The following CDC73 variants were observed in gnomAD, a reference collection of about 807,000 sequenced individuals.
CDC73 encodes the protein cell division cycle 73.
A neutral mutation model predicts 83.7 loss-of-function variants in CDC73; 21 were observed. The observed-to-expected ratio is 0.25, with a 90% CI of 0.18 to 0.36. The LOEUF (loss-of-function observed/expected upper bound fraction) is 0.36, where lower values mean the gene tolerates loss of function less well. Among genes scored for constraint, CDC73 ranks in the 10% least tolerant of loss-of-function variants. The probability of loss-of-function intolerance (pLI) is 1.00; values close to 1 mark genes in which losing one functional copy is unlikely to be tolerated. For missense variants in CDC73, 342 were observed against 653.3 expected (o/e 0.52, Z 5.19); for synonymous variants, 224 against 212.9 (o/e 1.05, Z -0.45).
Position 193,148,092 on chromosome 1 carries a change from A to G in CDC73, c.828+127A>G, listed in dbSNP as rs145903255. The G allele has an allele frequency of 3.7e-4, 268 of 725,322 alleles. 1 individual carries two copies. The East Asian group carries it at 6.3e-3, about 17-fold the overall frequency. 44.9% of individuals were successfully genotyped at this position (725,322 alleles called of 1,614,324 possible). A position where few individuals can be genotyped will look rare whatever the true frequency, so the allele number is the denominator to read the frequency against. On this transcript the variant is annotated intron_variant, in intron 8 of 16. Coordinates refer to ENST00000367435, the MANE Select transcript of CDC73 (RefSeq NM_024529.5). The stretch of plus-strand genomic sequence containing the variant: ...TCTAAACCTTTTGCTCCTTTAGCAT[A>G]TCTGAAAGATGTGAAAGCCCTCCCC...
At chr1:193,126,591 T>C (rs1336912991) in intron 2 of CDC73, among the ~76,000 whole-genome samples, 6 of 152,206 alleles carry the variant, frequency 3.9e-5, no homozygotes, top group African/African-American at 9.7e-5. Context: ...TTCCCTCAGA[T>C]TATTTTTGGT....
At chr1:193,234,626 A>G (rs1001057745) in intron 14 of CDC73, among the ~76,000 whole-genome samples, 2 of 151,738 alleles carry the variant, frequency 1.3e-5, no homozygotes, top group Non-Finnish European at 2.9e-5. Context: ...TTTTCCTTTA[A>G]TTGTCCTTCC....
At position 193,247,918 on chromosome 1, in the gene CDC73, G is replaced by A. The variant is rs188071663; in HGVS notation, c.1418-1812G>A. On this transcript the variant is annotated intron_variant, in intron 15 of 16. Coordinates refer to ENST00000367435, the MANE Select transcript of CDC73 (RefSeq NM_024529.5). ...CTATAAAATAAAAGTGTAAGGTGAA[G>A]CAGCAAGTGCTGATAAAGAAGCTGC... Among the ~76,000 whole-genome samples, 21 of 152,214 alleles carry A rather than the reference G, an allele frequency of 1.4e-4. No homozygotes were observed. The East Asian group carries it at 3.5e-3, about 25-fold the overall frequency.
At chr1:193,177,559 T>C (rs981345303) in intron 10 of CDC73, among the ~76,000 whole-genome samples, 3 of 151,278 alleles carry the variant, frequency 2.0e-5, no homozygotes, top group Admixed American at 1.3e-4. Flanking sequence ...AACATGATCC[T>C]TGAAATGGAA....
At chr1:193,171,503 G>A (rs1317824192) in intron 10 of CDC73, among the ~76,000 whole-genome samples, 3 of 152,162 alleles carry the variant, frequency 2.0e-5, no homozygotes, top group Non-Finnish European at 4.4e-5. Flanking sequence ...CTGATTGTTT[G>A]CTGGATGTAA....
chr1:193,194,215 G>A (rs2103170623), intron 10 of CDC73, among the ~76,000 whole-genome samples: 1 of 152,258 alleles, frequency 6.6e-6, no homozygotes, highest in East Asian at 1.9e-4. Context: ...TGTTTCTAGT[G>A]AAAAGGTATT....
chr1:193,189,941 G>T (rs1308065246), intron 10 of CDC73, among the ~76,000 whole-genome samples: 2 of 152,128 alleles, frequency 1.3e-5, no homozygotes, highest in African/African-American at 2.4e-5. Flanking sequence ...GAGAAAGGTA[G>T]GGGGAGAGCA....
At chr1:193,132,203 A>T (rs1675708426) in intron 3 of CDC73, among the ~76,000 whole-genome samples, 1 of 152,234 alleles carries the variant, frequency 6.6e-6, no homozygotes, top group South Asian at 2.1e-4. Flanking sequence ...AAGCAGTAAG[A>T]TTGATTTCCA....
At chr1:193,224,166 C>A (rs1677520342) in intron 13 of CDC73, among the ~76,000 whole-genome samples, 1 of 151,932 alleles carries the variant, frequency 6.6e-6, no homozygotes, top group Admixed American at 6.6e-5. Flanking sequence ...CCTTCCTGGT[C>A]TCTGATAACT....
rs188658427 is a variant in CDC73 at position 193,177,980 on chromosome 1, G to T, written c.972+25536G>T. Among the ~76,000 whole-genome samples the T allele has an allele frequency of 5.3e-5, 8 of 152,160 alleles. No homozygotes were observed. The East Asian group carries it at 1.4e-3, about 26-fold the overall frequency. On this transcript the variant is annotated intron_variant, in intron 10 of 16. Coordinates refer to ENST00000367435, the MANE Select transcript of CDC73 (RefSeq NM_024529.5). ...TTGAACATAAAGATTAGTTATTTGTGTACCCTTTGACCAAAAGCAAAGCTG... is the reference window on the plus strand; with the variant it reads ...TTGAACATAAAGATTAGTTATTTGTTTACCCTTTGACCAAAAGCAAAGCTG...
At chr1:193,217,413 T>C (rs1677388635) in intron 13 of CDC73, among the ~76,000 whole-genome samples, 1 of 151,918 alleles carries the variant, frequency 6.6e-6, no homozygotes, top group Admixed American at 6.6e-5. Flanking sequence ...GGAGAATGAG[T>C]GCAAGGTTTT....
At position 193,233,078 on chromosome 1, in the gene CDC73, C is replaced by G. The variant is rs1297552782; in HGVS notation, c.1240C>G (p.Pro414Ala). 1 of 1,613,028 alleles carries G rather than the reference C, an allele frequency of 6.2e-7. No individual in the cohort carries two copies. Among genetic ancestry groups the G allele is most frequent in the Admixed American group, 1.7e-5 (1 of 59,992 alleles). The change falls in exon 14 of 17, where the codon CCA becomes GCA. Residue 414 changes from proline (P) to alanine (A), a missense_variant. Coordinates refer to ENST00000367435, the MANE Select transcript of CDC73 (RefSeq NM_024529.5). ...LIQRRKDQMQ[P>A]GGTAISVTVP... ...ACAAAGAAGAAAAGACCAGATGCAACCAGGGGGCACTGCAATTAGTGTTAC... is the reference window on the plus strand; with the variant it reads ...ACAAAGAAGAAAAGACCAGATGCAAGCAGGGGGCACTGCAATTAGTGTTAC...
At position 193,185,087 on chromosome 1, in the gene CDC73, A is replaced by C. The variant is rs539157760; in HGVS notation, c.973-18708A>C. 5.3e-5 allele frequency among the ~76,000 whole-genome samples: 8 copies of C among 152,130 alleles called. No individual in the cohort carries two copies. The South Asian group carries it at 1.7e-3, about 32-fold the overall frequency. ...TGGCGGTAGTTCATTACTGCATATTAATATAGCCTGGAAGCATAGTAGCTA... is the reference window on the plus strand; with the variant it reads ...TGGCGGTAGTTCATTACTGCATATTCATATAGCCTGGAAGCATAGTAGCTA... On this transcript the variant is annotated intron_variant, in intron 10 of 16. Coordinates refer to ENST00000367435, the MANE Select transcript of CDC73 (RefSeq NM_024529.5).
intron 1 of CDC73, among the ~76,000 whole-genome samples, chr1:193,122,722 T>C (rs1361035045): frequency 1.3e-5 from 2 of 152,144 alleles, no homozygotes; most frequent in Admixed American, 6.5e-5. Context: ...ATTTTTTTTT[T>C]CTCTTTTCCA....
chr1:193,244,069 GA>G (rs1339764622), intron 15 of CDC73, among the ~76,000 whole-genome samples: 1 of 152,122 alleles, frequency 6.6e-6, no homozygotes, highest in African/African-American at 2.4e-5. Flanking sequence ...AAATTGGGGG[GA>G]AAAAGCTTAA....
chr1:193,165,729 A>G (rs534946154), intron 10 of CDC73, among the ~76,000 whole-genome samples: 1 of 152,370 alleles, frequency 6.6e-6, no homozygotes, highest in African/African-American at 2.4e-5. Flanking sequence ...ATGCATGCAC[A>G]TGCATTCGTA....
intron 11 of CDC73, among the ~76,000 whole-genome samples, chr1:193,208,683 G>A (rs1328181775): frequency 1.3e-5 from 2 of 151,860 alleles, no homozygotes; most frequent in South Asian, 2.1e-4. Context: ...TCACTTAAAT[G>A]TAAACTTAAT....
chr1:193,239,314 C>CT (rs1677818257), intron 15 of CDC73, among the ~76,000 whole-genome samples: 1 of 152,142 alleles, frequency 6.6e-6, no homozygotes, highest in Admixed American at 6.5e-5. Flanking sequence ...TGCTTTCACT[C>CT]TTCTGGCTTC....
intron 13 of CDC73, among the ~76,000 whole-genome samples, chr1:193,219,654 A>G (rs947582808): frequency 6.6e-6 from 1 of 152,110 alleles, no homozygotes. Flanking sequence ...TCCAAATACC[A>G]CATGTTCTAC....
Sources: gnomAD v4.1 joint callset for allele counts (sites outside exome capture counted in the v4.1 genomes callset) on GRCh38, gnomAD v4.1.1 for gene constraint, MANE v1.5 for transcripts, NCBI Gene and HGNC (gene_info 2026-07-23, HGNC 2026-07-21) for gene names.